Variants in PSMA3 observed in about 807,000 individuals in gnomAD.
PSMA3 encodes proteasome subunit alpha type-3.
In PSMA3, 8 loss-of-function variants were observed where a neutral mutation model predicts 40.0. The observed-to-expected ratio is 0.20, with a 90% CI of 0.12 to 0.36. The LOEUF (loss-of-function observed/expected upper bound fraction) is 0.36, where lower values mean the gene tolerates loss of function less well. Among genes scored for constraint, PSMA3 ranks in the 10% least tolerant of loss-of-function variants. PSMA3 has a pLI of 1.00. For missense variants in PSMA3, 219 were observed against 310.6 expected (o/e 0.70, Z 2.22); for synonymous variants, 110 against 100.0 (o/e 1.10, Z -0.59).
chr14:58,263,658 A>G (rs1420677747), intron 6 of PSMA3, 47 bp from the exon 7 acceptor site: 1 of 1,430,440 alleles, frequency 7.0e-7, no homozygotes, highest in South Asian at 1.2e-5. Flanking sequence ...TTAATTACAT[A>G]TGATAGTGTA....
intron 2 of PSMA3, among the ~76,000 whole-genome samples, chr14:58,248,413 A>C (rs2140078333): frequency 6.6e-6 from 1 of 152,038 alleles, no homozygotes; most frequent in African/African-American, 2.4e-5. Flanking sequence ...CATTTTTAGT[A>C]GAGACGGGGT....
At chr14:58,262,394 C>T (rs1171498649) in intron 6 of PSMA3, among the ~76,000 whole-genome samples, 5 of 151,994 alleles carry the variant, frequency 3.3e-5, no homozygotes, top group East Asian at 1.9e-4. Flanking sequence ...TCAGTAGAGA[C>T]GAGGTTTCAC....
intron 6 of PSMA3, among the ~76,000 whole-genome samples, chr14:58,263,288 C>T (rs962645194): frequency 6.6e-6 from 1 of 152,028 alleles, no homozygotes. Context: ...CCCAGCTGTG[C>T]ATCCTTATCT....
In PSMA3 at chr14:58,271,856, T is replaced by G. The variant is rs1054607874; in HGVS notation, c.729T>G (p.Ser243=). ...REEAEKYAKE[S]LKEEDESDDD... ...CACCTGTTTTCTCTTAACAGGAATC[T>G]CTGAAGGAAGAAGATGAATCAGATG... The change falls in exon 11 of 11, where the codon TCT becomes TCG. Residue 243 remains serine (S), a synonymous_variant. Coordinates refer to ENST00000216455, the MANE Select transcript of PSMA3 (RefSeq NM_002788.4). 1.9e-6 allele frequency: 3 copies of G among 1,598,334 alleles called. No homozygotes were observed. The highest frequency in any genetic ancestry group is 2.2e-5 in the East Asian group (1 of 44,738).
At position 58,260,174 on chromosome 14, in the gene PSMA3, C is replaced by G. The variant is rs543471472; in HGVS notation, c.405-774C>G. On this transcript the variant is annotated intron_variant, in intron 5 of 10. Transcript: ENST00000216455. ...TAGGACCTCCCATGAATACCAAAATCCAAGGTTGCTGAAGTCCCTGATATA... is the reference window on the plus strand; with the variant it reads ...TAGGACCTCCCATGAATACCAAAATGCAAGGTTGCTGAAGTCCCTGATATA... 1.3e-3 allele frequency among the ~76,000 whole-genome samples: 194 copies of G among 152,254 alleles called. 2 individuals carry two copies. Among genetic ancestry groups the G allele is most frequent in the African/African-American group, 3.6e-3 (151 of 41,518 alleles).
chr14:58,268,343 T>C (rs1349492575), intron 8 of PSMA3, among the ~76,000 whole-genome samples: 2 of 152,190 alleles, frequency 1.3e-5, no homozygotes, highest in East Asian at 1.9e-4. Context: ...TGTATGGTAG[T>C]GTATCAGGTT....
At chr14:58,252,635 G>A (rs986001284) in intron 3 of PSMA3, among the ~76,000 whole-genome samples, 8 of 152,114 alleles carry the variant, frequency 5.3e-5, no homozygotes, top group Non-Finnish European at 2.9e-5. Context: ...GATGTTTAAT[G>A]AAAAGGAAAA....
chr14:58,259,821 G>C (rs1183548120), intron 5 of PSMA3, among the ~76,000 whole-genome samples: 1 of 152,162 alleles, frequency 6.6e-6, no homozygotes, highest in Non-Finnish European at 1.5e-5. Context: ...GAAAATACGT[G>C]CGCCAGAGAG....
chr14:58,267,545 C>T, intron 8 of PSMA3, 25 bp downstream of exon 8: 1 of 1,559,846 alleles, frequency 6.4e-7, no homozygotes, highest in Non-Finnish European at 8.6e-7. Context: ...TTCTTACCAT[C>T]CACAAAAATA....
chr14:58,263,221 G>T (rs2140091861), intron 6 of PSMA3, among the ~76,000 whole-genome samples: 1 of 152,130 alleles, frequency 6.6e-6, no homozygotes, highest in Middle Eastern at 3.4e-3. Flanking sequence ...CTGACCTGAG[G>T]TGATCTGCCC....
chr14:58,252,637 A>T (rs1890038170), intron 3 of PSMA3, among the ~76,000 whole-genome samples: 1 of 152,188 alleles, frequency 6.6e-6, no homozygotes, highest in Non-Finnish European at 1.5e-5. Context: ...TGTTTAATGA[A>T]AAGGAAAAGT....
At chr14:58,252,911 T>C (rs1291343717) in intron 3 of PSMA3, among the ~76,000 whole-genome samples, 1 of 151,734 alleles carries the variant, frequency 6.6e-6, no homozygotes, top group Admixed American at 6.6e-5. Flanking sequence ...GGTTTTATGC[T>C]GGGAGCTCTT....
chr14:58,252,758 G>A (rs1269139737), intron 3 of PSMA3, among the ~76,000 whole-genome samples: 1 of 150,874 alleles, frequency 6.6e-6, no homozygotes, highest in Non-Finnish European at 1.5e-5. Context: ...ATACATGACT[G>A]GTATATACTA....
chr14:58,261,802 G>C (rs1269443379), intron 6 of PSMA3, among the ~76,000 whole-genome samples: 1 of 152,058 alleles, frequency 6.6e-6, no homozygotes, highest in East Asian at 1.9e-4. Context: ...TGTCTATAGA[G>C]ACAAGGTCTT....
At chr14:58,270,299 G>C (rs1217375346) in intron 8 of PSMA3, 119 bp from the exon 9 acceptor site, 4 of 1,393,876 alleles carry the variant, frequency 2.9e-6, no homozygotes, top group Non-Finnish European at 3.9e-6. Flanking sequence ...ATGTGTCTGT[G>C]TAATTTTATA....
intron 6 of PSMA3, among the ~76,000 whole-genome samples, chr14:58,261,301 G>A (rs989551209): frequency 4.6e-5 from 7 of 151,606 alleles, no homozygotes; most frequent in African/African-American, 1.7e-4. Context: ...TTCTGCCTCA[G>A]CCTCCCGGGT....
intron 3 of PSMA3, among the ~76,000 whole-genome samples, chr14:58,254,894 A>G (rs570386068): frequency 5.9e-5 from 9 of 152,316 alleles, no homozygotes; most frequent in Non-Finnish European, 1.3e-4. Context: ...GTTAAAAATT[A>G]TTATGCAAAA....
At chr14:58,267,344 T>C in intron 7 of PSMA3, 130 bp from the exon 8 acceptor site, 1 of 1,237,532 alleles carries the variant, frequency 8.1e-7, no homozygotes. Flanking sequence ...ATCAGGAAAC[T>C]TCGATTCTGG....
At position 58,244,910 on chromosome 14, in the gene PSMA3, G is replaced by A. The variant is rs1178085994; in HGVS notation, c.-11G>A. The A allele has an allele frequency of 1.2e-6, 2 of 1,614,154 alleles. No homozygotes were observed. The highest frequency in any genetic ancestry group is 1.7e-5 in the Admixed American group (1 of 60,022). The stretch of plus-strand genomic sequence containing the variant: ...CCTGGAATCCCTACGCGTCCCTTTG[G>A]GTTTAGCACGATGAGCTCAATCGGC... On this transcript the variant is annotated 5_prime_UTR_variant, in exon 1 of 11. Transcript: ENST00000216455.
Sources: gnomAD v4.1 joint callset for allele counts (sites outside exome capture counted in the v4.1 genomes callset) on GRCh38, gnomAD v4.1.1 for gene constraint, MANE v1.5 for transcripts, NCBI Gene and HGNC (gene_info 2026-07-23, HGNC 2026-07-21) for gene names.